The following TRIP4 variants were observed in gnomAD, a reference collection of about 807,000 sequenced individuals.
The protein encoded by TRIP4 is thyroid hormone receptor interactor 4, also known as activating signal cointegrator 1.
In TRIP4, 54 loss-of-function variants were observed where a neutral mutation model predicts 81.8. The ratio of observed to expected loss-of-function variants is 0.66; its 90% CI spans 0.53 to 0.83. TRIP4 has a LOEUF of 0.83. TRIP4 is among the 40% of genes least tolerant of loss of function. The pLI is 0.00. For synonymous variants in TRIP4, 270 were observed against 242.8 expected, an observed-to-expected ratio of 1.11 and a Z score of -1.04; for missense variants, 662 against 683.6, an observed-to-expected ratio of 0.97 and a Z score of 0.35.
chr15:64,402,212 A>G (rs1189208908), intron 5 of TRIP4, among the ~76,000 whole-genome samples: 1 of 151,990 alleles, frequency 6.6e-6, no homozygotes, highest in African/African-American at 2.4e-5. Context: ...ACCTGACAAA[A>G]ATGGTTAAGG....
At chr15:64,429,568 A>G (rs1239375914) in intron 11 of TRIP4, among the ~76,000 whole-genome samples, 1 of 152,216 alleles carries the variant, frequency 6.6e-6, no homozygotes, top group African/African-American at 2.4e-5. Context: ...ATGACTCTCT[A>G]TGAGGTGGAT....
chr15:64,424,274 TG>T, intron 10 of TRIP4, 119 bp downstream of exon 10: 1 of 1,381,174 alleles, frequency 7.2e-7, no homozygotes, highest in Non-Finnish European at 9.8e-7. Flanking sequence ...TTTTAATCTT[TG>T]TATATGTTTG....
At chr15:64,422,346 C>T (rs1892039142) in intron 9 of TRIP4, among the ~76,000 whole-genome samples, 2 of 152,202 alleles carry the variant, frequency 1.3e-5, no homozygotes, top group Admixed American at 6.5e-5. Flanking sequence ...CGTTTCTCTA[C>T]TTTACTTAAA....
At chr15:64,431,845 A>ATTTTT (rs1237735745) in intron 11 of TRIP4, among the ~76,000 whole-genome samples, 252 of 22,714 alleles carry the variant, frequency 0.011, 1 homozygote, top group Middle Eastern at 0.036. Context: ...ATATATATAT[A>ATTTTT]TATTTTTTTT....
At chr15:64,414,505 T>G (rs1891844709) in intron 8 of TRIP4, among the ~76,000 whole-genome samples, 2 of 126,770 alleles carry the variant, frequency 1.6e-5, no homozygotes, top group Admixed American at 2.0e-4. Flanking sequence ...TTGTTAATGC[T>G]CTTTCTCTTT....
chr15:64,410,905 G>T (rs1279337392), intron 7 of TRIP4, among the ~76,000 whole-genome samples: 3 of 152,148 alleles, frequency 2.0e-5, no homozygotes, highest in Non-Finnish European at 2.9e-5. Context: ...TACAAGTGGG[G>T]AAGTACAAAT....
At chr15:64,454,470 A>T (rs953314769) in intron 12 of TRIP4, among the ~76,000 whole-genome samples, 1 of 152,250 alleles carries the variant, frequency 6.6e-6, no homozygotes, top group East Asian at 1.9e-4. Context: ...TAACCTTCTT[A>T]GCTGGTGATA....
chr15:64,441,499 C>T lies in TRIP4; in HGVS notation c.1576-3507C>T, dbSNP rs1236071179. 2.7e-5 allele frequency among the ~76,000 whole-genome samples: 4 copies of T among 148,116 alleles called. No individual in the cohort carries two copies. In the East Asian group the frequency reaches 8.5e-4, roughly 31 times the overall value. On this transcript the variant is annotated intron_variant, in intron 11 of 12. Coordinates refer to ENST00000261884, the MANE Select transcript of TRIP4 (RefSeq NM_016213.5). ...TAAAATAAGGCTGGAGAGGGCCGGGCGTGGTGGCTCACGCCTGTAATCCCA... is the reference window on the plus strand; with the variant it reads ...TAAAATAAGGCTGGAGAGGGCCGGGTGTGGTGGCTCACGCCTGTAATCCCA...
chr15:64,432,928 A>G (rs554395440), intron 11 of TRIP4, among the ~76,000 whole-genome samples: 11 of 151,808 alleles, frequency 7.2e-5, no homozygotes, highest in Non-Finnish European at 1.6e-4. Context: ...AATAAAAATA[A>G]ATAAATAAAT....
At position 64,392,590 on chromosome 15, in the gene TRIP4, C is replaced by T. The variant is rs938146178; in HGVS notation, c.102-1356C>T. On this transcript the variant is annotated intron_variant, in intron 1 of 12. Coordinates refer to ENST00000261884, the MANE Select transcript of TRIP4 (RefSeq NM_016213.5). ...TCAGGTGATCCACCCGCCTCAGCCT[C>T]CCAAAGTGCTGGGAGCCATCATGCC... Among the ~76,000 whole-genome samples, 6 of 151,970 alleles carry T rather than the reference C, an allele frequency of 3.9e-5. No individual in the cohort carries two copies. In the South Asian group the frequency reaches 6.2e-4, roughly 16 times the overall value.
At position 64,425,632 on chromosome 15, in the gene TRIP4, G is replaced by A. The variant is rs1892124004; in HGVS notation, c.1575+1G>A. On this transcript the variant is annotated splice_donor_variant, in intron 11 of 12. Transcript: ENST00000261884. LOFTEE classifies it high-confidence loss of function. ...GTCCCAGAAGCAATTTAAGGAGCAG[G>A]TGAGTAAAGAATACTTTTTTTTTTT... 6.2e-7 allele frequency: 1 copy of A among 1,607,250 alleles called. No homozygotes were observed. The highest frequency in any genetic ancestry group is 1.3e-5 in the African/African-American group (1 of 74,596).
At position 64,391,388 on chromosome 15, in the gene TRIP4, C is replaced by G. The variant is rs375581664; in HGVS notation, c.102-2558C>G. 8.6e-5 allele frequency among the ~76,000 whole-genome samples: 13 copies of G among 152,014 alleles called. No individual in the cohort carries two copies. The East Asian group carries it at 2.6e-3, about 30-fold the overall frequency. On this transcript the variant is annotated intron_variant, in intron 1 of 12. Coordinates refer to ENST00000261884, the MANE Select transcript of TRIP4 (RefSeq NM_016213.5). ...GCCAGGATGGTCTCGGTCTCCTGAC[C>G]TCGTGGTCTGCCCGCCTCAGCCTCC...
At chr15:64,403,431 TTACA>T (rs1222364541) in intron 5 of TRIP4, among the ~76,000 whole-genome samples, 4 of 152,202 alleles carry the variant, frequency 2.6e-5, no homozygotes, top group Non-Finnish European at 5.9e-5. Flanking sequence ...AGTGCTGGAA[TTACA>T]GGCATGAGCC....
intron 11 of TRIP4, among the ~76,000 whole-genome samples, chr15:64,436,944 T>A (rs1216025354): frequency 2.6e-5 from 4 of 151,512 alleles, no homozygotes; most frequent in Non-Finnish European, 5.9e-5. Flanking sequence ...CCTGACCTCA[T>A]GATCTGCCTG....
At chr15:64,434,405 A>AG (rs1209212247) in intron 11 of TRIP4, among the ~76,000 whole-genome samples, 2 of 151,660 alleles carry the variant, frequency 1.3e-5, no homozygotes, top group African/African-American at 2.4e-5. Flanking sequence ...GTCTCAAGAA[A>AG]AAAAAAAAAA....
At chr15:64,416,884 A>T (rs1891900421) in intron 8 of TRIP4, among the ~76,000 whole-genome samples, 1 of 152,188 alleles carries the variant, frequency 6.6e-6, no homozygotes, top group Admixed American at 6.6e-5. Flanking sequence ...TGGCAGAAAG[A>T]TCCTTAGAAA....
chr15:64,419,332 G>A (rs1030247366), intron 9 of TRIP4, among the ~76,000 whole-genome samples: 6 of 151,938 alleles, frequency 3.9e-5, no homozygotes, highest in South Asian at 2.1e-4. Context: ...TTACTATTCC[G>A]TGGTGTCTTG....
intron 6 of TRIP4, among the ~76,000 whole-genome samples, chr15:64,409,144 T>C (rs890554003): frequency 1.3e-5 from 2 of 150,112 alleles, no homozygotes; most frequent in African/African-American, 4.9e-5. Context: ...GAGGAGGCAG[T>C]CACACCACTG....
chr15:64,390,702 C>A (rs1362920711), intron 1 of TRIP4, among the ~76,000 whole-genome samples: 1 of 151,928 alleles, frequency 6.6e-6, no homozygotes, highest in East Asian at 2.0e-4. Context: ...ACCAGCCTGG[C>A]CAACATGGTG....
Sources: gnomAD v4.1 joint callset for allele counts (sites outside exome capture counted in the v4.1 genomes callset) on GRCh38, gnomAD v4.1.1 for gene constraint, MANE v1.5 for transcripts, NCBI Gene and HGNC (gene_info 2026-07-23, HGNC 2026-07-21) for gene names.